MGAT5B: variants seen among roughly 807,000 people sequenced by gnomAD.
MGAT5B encodes the protein N-acetylglucosaminyl-transferase Vb.
Under a neutral mutation model 95.1 loss-of-function variants are expected in MGAT5B, and 54 were observed. That is an observed-to-expected ratio of 0.57 (90% CI 0.46 to 0.71). The LOEUF (loss-of-function observed/expected upper bound fraction) is 0.71. Ranked by LOEUF, MGAT5B falls within the 30% of genes least tolerant of loss-of-function variation. The pLI is 0.00. For missense variants in MGAT5B, 935 were observed against 1,088.6 expected (o/e 0.86, Z 1.99); for synonymous variants, 464 against 451.0 (o/e 1.03, Z -0.36).
At chr17:76,945,989 G>C (rs936202397) in intron 15 of MGAT5B, among the ~76,000 whole-genome samples, 1 of 152,280 alleles carries the variant, frequency 6.6e-6, no homozygotes, top group African/African-American at 2.4e-5. Context: ...CAGGAGTGGG[G>C]GTGGGGCTCA....
intron 12 of MGAT5B, among the ~76,000 whole-genome samples, chr17:76,935,370 A>C (rs1251711126): frequency 8.7e-6 from 1 of 115,310 alleles, no homozygotes; most frequent in African/African-American, 3.1e-5. Context: ...CTCCTGGGTA[A>C]ATGCCCAAGA....
intron 1 of MGAT5B, chr17:76,872,623 T>A (rs1026100102): frequency 1.3e-5 from 19 of 1,450,974 alleles, no homozygotes; most frequent in Non-Finnish European, 1.7e-5. Flanking sequence ...TCATTCTGCC[T>A]TGTGGTTTCT....
intron 12 of MGAT5B, among the ~76,000 whole-genome samples, chr17:76,936,280 C>T (rs763333150): frequency 5.9e-5 from 9 of 151,966 alleles, no homozygotes; most frequent in East Asian, 1.9e-4. Flanking sequence ...TGGTGGCGTG[C>T]GCCCGTAGTC....
At chr17:76,902,107 C>T (rs571720013) in intron 3 of MGAT5B, among the ~76,000 whole-genome samples, 64 of 152,178 alleles carry the variant, frequency 4.2e-4, no homozygotes, top group African/African-American at 1.4e-3. Flanking sequence ...GTTGTGGGCA[C>T]GTGTGCATAT....
In MGAT5B at chr17:76,918,249, G is replaced by A. The variant is rs1358583938; in HGVS notation, c.1026-6717G>A. Among the ~76,000 whole-genome samples the A allele has an allele frequency of 6.6e-6, 1 of 151,872 alleles. No individual in the cohort carries two copies. On this transcript the variant is annotated intron_variant, in intron 8 of 17. Coordinates refer to ENST00000569840, the MANE Select transcript of MGAT5B (RefSeq NM_001199172.2). This position sits in a 1 kb window ranked among gnomAD's most constrained non-coding sequence, Gnocchi z 5.1. ...CGCACCCATGCTTTGTGGTAGCTTC[G>A]GCTAAAGAGCACCCAGACTGTGCCT...
In MGAT5B at chr17:76,884,203, T is replaced by C. The variant is rs563031332; in HGVS notation, c.329+1905T>C. Among the ~76,000 whole-genome samples, 4 of 152,334 alleles carry C rather than the reference T, an allele frequency of 2.6e-5. No individual in the cohort carries two copies. The South Asian group carries it at 8.3e-4, about 32-fold the overall frequency. On this transcript the variant is annotated intron_variant, in intron 3 of 17. Coordinates refer to ENST00000569840, the MANE Select transcript of MGAT5B (RefSeq NM_001199172.2). ...ATCTTTAAAGATTTAATTAAATCTTTACTCTCCCAGAGGAGGAAGCTTTAA... is the reference window on the plus strand; with the variant it reads ...ATCTTTAAAGATTTAATTAAATCTTCACTCTCCCAGAGGAGGAAGCTTTAA...
intron 8 of MGAT5B, among the ~76,000 whole-genome samples, chr17:76,911,898 G>A (rs1968749865): frequency 6.6e-6 from 1 of 152,210 alleles, no homozygotes; most frequent in Non-Finnish European, 1.5e-5. Context: ...GCAAGTCCAA[G>A]AGCCAGGTTT....
intron 2 of MGAT5B, among the ~76,000 whole-genome samples, chr17:76,880,510 C>G (rs1967370065): frequency 6.6e-6 from 1 of 152,178 alleles, no homozygotes; most frequent in Non-Finnish European, 1.5e-5. Flanking sequence ...GCTGGCTGCC[C>G]CTGCTCCGCC....
intron 3 of MGAT5B, among the ~76,000 whole-genome samples, chr17:76,887,118 G>A (rs568362679): frequency 1.3e-5 from 2 of 152,300 alleles, no homozygotes; most frequent in East Asian, 3.9e-4. Context: ...CTGTAGCCCT[G>A]GATGCTGCTG....
intron 2 of MGAT5B, among the ~76,000 whole-genome samples, chr17:76,877,150 A>T (rs891961241): frequency 6.6e-6 from 1 of 151,578 alleles, no homozygotes; most frequent in Non-Finnish European, 1.5e-5. Flanking sequence ...GCGTGGTGAA[A>T]CCCCATCTCT....
rs370189894 is a variant in MGAT5B, at chr17:76,916,286, G to A, written c.1026-8680G>A. Among the ~76,000 whole-genome samples the A allele has an allele frequency of 4.6e-5, 7 of 152,356 alleles. No individual in the cohort carries two copies. The highest frequency in any genetic ancestry group is 3.9e-4 in the East Asian group (2 of 5,182). On this transcript the variant is annotated intron_variant, in intron 8 of 17. Coordinates refer to ENST00000569840, the MANE Select transcript of MGAT5B (RefSeq NM_001199172.2). The surrounding 1 kb of genome is among the most constrained non-coding windows in gnomAD (Gnocchi z 5.3). ...CCACGCGCTGCGCTGGCGTCACAGG[G>A]AGTCTGTTTCTTGCAAGTCAAGGCC... is the stretch of plus-strand genomic sequence containing the variant.
intron 17 of MGAT5B, 35 bp downstream of exon 17, chr17:76,948,121 A>G (rs1157478347): frequency 1.9e-6 from 3 of 1,544,944 alleles, no homozygotes; most frequent in Admixed American, 1.9e-5. Context: ...CCCAGCCGCT[A>G]TCATCGCTGG....
intron 3 of MGAT5B, among the ~76,000 whole-genome samples, chr17:76,895,446 G>T (rs1968031967): frequency 6.6e-6 from 1 of 152,134 alleles, no homozygotes; most frequent in Non-Finnish European, 1.5e-5. Context: ...AGTCCTGGGT[G>T]CTAAAAAGGT....
At chr17:76,935,896 A>ATATATACTATATATAT (rs1439184230) in intron 12 of MGAT5B, among the ~76,000 whole-genome samples, 75 of 51,008 alleles carry the variant, frequency 1.5e-3, no homozygotes, top group African/African-American at 4.8e-3. Context: ...TTATATAATT[A>ATATATACTATATATAT]TATATACATT....
chr17:76,941,333 C>T (rs542641244), intron 15 of MGAT5B, among the ~76,000 whole-genome samples: 3 of 152,342 alleles, frequency 2.0e-5, no homozygotes, highest in South Asian at 4.1e-4. Context: ...CTCCAGCGAA[C>T]GTGGGTGCTG....
chr17:76,903,497 G>A, intron 5 of MGAT5B, 121 bp downstream of exon 5: 1 of 617,082 alleles, frequency 1.6e-6, no homozygotes, highest in Non-Finnish European at 2.7e-6. Flanking sequence ...TCTCTGCTCA[G>A]TGCATCCACC....
At chr17:76,929,455 T>A (rs1969415937) in intron 10 of MGAT5B, among the ~76,000 whole-genome samples, 2 of 152,366 alleles carry the variant, frequency 1.3e-5, no homozygotes, top group South Asian at 4.1e-4. Flanking sequence ...TCTTTACCTC[T>A]ATTTTTATAA....
chr17:76,892,422 G>C (rs990704276), intron 3 of MGAT5B, among the ~76,000 whole-genome samples: 4 of 152,238 alleles, frequency 2.6e-5, no homozygotes, highest in Admixed American at 1.3e-4. Flanking sequence ...GAAGCCCCAA[G>C]TGCCAGGCAA....
chr17:76,920,224 C>G (rs757378732), intron 8 of MGAT5B, among the ~76,000 whole-genome samples: 1 of 152,218 alleles, frequency 6.6e-6, no homozygotes, highest in Non-Finnish European at 1.5e-5. Flanking sequence ...GTCCTCCCCC[C>G]ACCACCCTCC....
Sources: allele counts gnomAD v4.1 joint callset (sites outside exome capture counted in the v4.1 genomes callset), GRCh38; gene constraint gnomAD v4.1.1; non-coding constraint Gnocchi (gnomAD v3.1); transcripts MANE v1.5; gene names NCBI Gene and HGNC (gene_info 2026-07-23, HGNC 2026-07-21).